UNC79: variants seen among roughly 807,000 people sequenced by gnomAD.
The protein encoded by UNC79 is unc-79 subunit of NALCN channel complex.
A neutral mutation model predicts 283.1 loss-of-function variants in UNC79; 37 were observed. That is an observed-to-expected ratio of 0.13 (90% CI 0.10 to 0.17). UNC79 has a LOEUF of 0.17. UNC79 is among the 10% of genes least tolerant of loss of function. The pLI is 1.00. For missense variants in UNC79, 2,272 were observed against 3,211.1 expected (o/e 0.71, Z 7.07); for synonymous variants, 1,107 against 1,200.2 (o/e 0.92, Z 1.61).
chr14:93,605,675 C>T (rs1200779272), intron 26 of UNC79, among the ~76,000 whole-genome samples: 1 of 152,156 alleles, frequency 6.6e-6, no homozygotes, highest in East Asian at 1.9e-4. Context: ...GAGTTTTCAT[C>T]TAAGACTACT....
chr14:93,694,816 G>A (rs1281259945), intron 47 of UNC79, among the ~76,000 whole-genome samples: 3 of 152,152 alleles, frequency 2.0e-5, no homozygotes, highest in African/African-American at 7.2e-5. Flanking sequence ...ATATTGATGT[G>A]AAAATTACGC....
rs371261661 is a variant in UNC79 at position 93,541,006 on chromosome 14, A to G, written c.1524+175A>G. Among the ~76,000 whole-genome samples the G allele has an allele frequency of 7.9e-5, 12 of 152,332 alleles. No individual in the cohort carries two copies. The East Asian group carries it at 2.1e-3, about 27-fold the overall frequency. On this transcript the variant is annotated intron_variant, in intron 13 of 48. Coordinates refer to ENST00000555664, the Ensembl canonical transcript of UNC79. ...CCTGAGCTGCATGTTAGATTTAGCT[A>G]GGAAAGCTTTTAAAAACTAACAATG...
intron 1 of UNC79, among the ~76,000 whole-genome samples, chr14:93,390,192 A>C (rs2054857321): frequency 6.6e-6 from 1 of 152,248 alleles, no homozygotes; most frequent in Non-Finnish European, 1.5e-5. Context: ...AATGTACTAC[A>C]TTAAAAGATT....
At position 93,688,795 on chromosome 14, in the gene UNC79, G is replaced by A. The variant is rs767740305; in HGVS notation, c.7040G>A (p.Arg2347His). 2.3e-5 allele frequency: 37 copies of A among 1,613,856 alleles called. No individual in the cohort carries two copies. Among genetic ancestry groups the A allele is most frequent in the Non-Finnish European group, 2.9e-5 (34 of 1,179,996 alleles). The change falls in exon 44 of 49, where the codon CGC becomes CAC. Residue 2347 changes from arginine (R) to histidine (H), a missense_variant. By Grantham distance (29) the Arg-to-His change is conservative. Transcript: ENST00000555664. The surrounding 1 kb of genome is among the most constrained non-coding windows in gnomAD (Gnocchi z 4.0). Reference sequence around the variant, plus strand: ...CACAGAGATAACAAAGCTGTGATCCGCTATCTGCCTTGGCTTTATCATCCC... The same window carrying A: ...CACAGAGATAACAAAGCTGTGATCCACTATCTGCCTTGGCTTTATCATCCC...
exon 17 of UNC79, chr14:93,575,167 G>C: frequency 6.2e-7 from 1 of 1,613,974 alleles, no homozygotes; most frequent in South Asian, 1.1e-5. Context: ...TCAAGAGTCA[G>C]TGAACTGGCA....
intron 33 of UNC79, among the ~76,000 whole-genome samples, chr14:93,642,892 G>A (rs1470730426): frequency 3.9e-5 from 6 of 152,128 alleles, no homozygotes; most frequent in South Asian, 2.1e-4. Flanking sequence ...GGCTTTGGTC[G>A]TGTTGAATGA....
At chr14:93,600,822 G>A in intron 25 of UNC79, 52 bp downstream of exon 25, 1 of 1,581,498 alleles carries the variant, frequency 6.3e-7, no homozygotes, top group Non-Finnish European at 8.6e-7. Context: ...CATTGTGCTT[G>A]CCTAGACAAA....
intron 7 of UNC79, among the ~76,000 whole-genome samples, chr14:93,519,073 A>C (rs2060202301): frequency 6.6e-6 from 1 of 151,822 alleles, no homozygotes; most frequent in South Asian, 2.1e-4. Context: ...AGTCTTATAT[A>C]TTTGCTGATT....
At chr14:93,701,089 C>T (rs2141048883) in intron 47 of UNC79, among the ~76,000 whole-genome samples, 2 of 152,274 alleles carry the variant, frequency 1.3e-5, no homozygotes, top group South Asian at 4.1e-4. Flanking sequence ...CTGGCTACCT[C>T]TCCTCACTCA....
At chr14:93,673,416 A>G in exon 41 of UNC79, 1 of 1,613,232 alleles carries the variant, frequency 6.2e-7, no homozygotes, top group Non-Finnish European at 8.5e-7. Context: ...TAAAGCTCAA[A>G]TCTCCTTTAC....
At chr14:93,571,088 A>T (rs998660166) in intron 14 of UNC79, among the ~76,000 whole-genome samples, 1 of 152,186 alleles carries the variant, frequency 6.6e-6, no homozygotes, top group Non-Finnish European at 1.5e-5. Flanking sequence ...AATAGAATTG[A>T]TTGATTTTTT....
At chr14:93,700,517 G>T (rs2075451988) in intron 47 of UNC79, among the ~76,000 whole-genome samples, 2 of 151,824 alleles carry the variant, frequency 1.3e-5, no homozygotes, top group Non-Finnish European at 2.9e-5. Context: ...CCTCATTCGT[G>T]TGTTTCTTTT....
chr14:93,687,273 G>A (rs567570078), intron 43 of UNC79, among the ~76,000 whole-genome samples: 1 of 152,300 alleles, frequency 6.6e-6, no homozygotes, highest in East Asian at 1.9e-4. Context: ...AAAGGGGATA[G>A]AACAAAATTT....
chr14:93,686,011 A>G (rs1314762441), intron 42 of UNC79, among the ~76,000 whole-genome samples: 1 of 152,208 alleles, frequency 6.6e-6, no homozygotes, highest in Non-Finnish European at 1.5e-5. Flanking sequence ...TTAGTAGTGT[A>G]CCTACTGTGT....
intron 1 of UNC79, among the ~76,000 whole-genome samples, chr14:93,369,334 G>C (rs751306395): frequency 2.6e-5 from 4 of 152,186 alleles, no homozygotes; most frequent in Non-Finnish European, 5.9e-5. Context: ...ACAAATTGTA[G>C]TATAGAGACT....
At chr14:93,676,777 C>T (rs1315545196) in intron 41 of UNC79, among the ~76,000 whole-genome samples, 1 of 152,222 alleles carries the variant, frequency 6.6e-6, no homozygotes, top group African/African-American at 2.4e-5. Flanking sequence ...ACCACAAAAA[C>T]AGTGATTATT....
At chr14:93,485,023 T>A (rs2140435822) in intron 4 of UNC79, among the ~76,000 whole-genome samples, 1 of 152,286 alleles carries the variant, frequency 6.6e-6, no homozygotes, top group African/African-American at 2.4e-5. Flanking sequence ...CATGTGGGCA[T>A]CTTTCCTACT....
At chr14:93,648,162 A>G (rs2069839688) in intron 35 of UNC79, among the ~76,000 whole-genome samples, 1 of 152,258 alleles carries the variant, frequency 6.6e-6, no homozygotes, top group Non-Finnish European at 1.5e-5. Flanking sequence ...TAGTCAAGCC[A>G]GATGAATGAG....
At chr14:93,503,631 A>G (rs935311650) in intron 7 of UNC79, among the ~76,000 whole-genome samples, 5 of 151,958 alleles carry the variant, frequency 3.3e-5, no homozygotes, top group Non-Finnish European at 7.4e-5. Context: ...TATGATTATA[A>G]TTTGCATTTC....
Sources: allele counts gnomAD v4.1 joint callset (sites outside exome capture counted in the v4.1 genomes callset), GRCh38; gene constraint gnomAD v4.1.1; non-coding constraint Gnocchi (gnomAD v3.1); transcripts MANE v1.5; gene names NCBI Gene and HGNC (gene_info 2026-07-23, HGNC 2026-07-21).